SLC25A42: variants seen among roughly 807,000 people sequenced by gnomAD.
SLC25A42 encodes the protein solute carrier family 25 member 42, also known as mitochondrial coenzyme A transporter SLC25A42.
SLC25A42 carries 19 observed loss-of-function variants against 34.7 expected under a neutral mutation model. The ratio of observed to expected loss-of-function variants is 0.55; its 90% CI spans 0.38 to 0.80. The LOEUF is 0.80. Among genes scored for constraint, SLC25A42 ranks in the 30% least tolerant of loss-of-function variants. The pLI is 0.00. For synonymous variants in SLC25A42, 205 were observed against 191.2 expected, an observed-to-expected ratio of 1.07 and a Z score of -0.59; for missense variants, 364 against 441.3, an observed-to-expected ratio of 0.82 and a Z score of 1.57.
Position 19,096,169 on chromosome 19 carries a change from T to A in SLC25A42, c.45T>A (p.Asp15Glu). Reference protein sequence around the residue: ...VKEGPVRLHEDAEAVLSSSVS... With the variant: ...VKEGPVRLHEEAEAVLSSSVS... ...AAGGCCCGGTGCGATTGCATGAGGA[T>A]GCTGAGGCTGTCCTGTCCTCGTCCG... The change falls in exon 2 of 8, where the codon GAT becomes GAA. Residue 15 changes from aspartate (D) to glutamate (E), a missense_variant. Physicochemically the swap from Asp to Glu is conservative, Grantham distance 45. Transcript: ENST00000318596. The A allele has an allele frequency of 6.2e-7, 1 of 1,613,152 alleles. No individual in the cohort carries two copies. Among genetic ancestry groups the A allele is most frequent in the Non-Finnish European group, 8.5e-7 (1 of 1,179,992 alleles).
chr19:19,069,027 T>TA (rs5827428), intron 1 of SLC25A42, among the ~76,000 whole-genome samples: 4,402 of 142,598 alleles, frequency 0.031, 200 homozygotes, highest in African/African-American at 0.11. Context: ...TCTGTCTCTT[T>TA]AAAAAAAAAA....
Position 19,105,729 on chromosome 19 carries a change from T to G in SLC25A42, c.380+2T>G. On this transcript the variant is annotated splice_donor_variant, in intron 5 of 7. Coordinates refer to ENST00000318596, the MANE Select transcript of SLC25A42 (RefSeq NM_178526.5). LOFTEE classifies it high-confidence loss of function. ...CAGCTACTATGGCTTCCGTGGAGAG[T>G]GAGGCCCCGCCCCGCCCTGCCACAG... 1 of 1,549,776 alleles carries G rather than the reference T, an allele frequency of 6.5e-7. No individual in the cohort carries two copies. Among genetic ancestry groups the G allele is most frequent in the Non-Finnish European group, 8.7e-7 (1 of 1,143,286 alleles).
At chr19:19,086,044 C>T (rs2059706715) in intron 1 of SLC25A42, among the ~76,000 whole-genome samples, 1 of 152,240 alleles carries the variant, frequency 6.6e-6, no homozygotes, top group Non-Finnish European at 1.5e-5. Context: ...CAAGAGGAGT[C>T]AGATCACCCG....
chr19:19,065,713 A>G (rs548667723), intron 1 of SLC25A42, among the ~76,000 whole-genome samples: 11 of 152,156 alleles, frequency 7.2e-5, no homozygotes, highest in Middle Eastern at 3.2e-3. Context: ...GTATGTATAT[A>G]TGTATGTATA....
intron 1 of SLC25A42, among the ~76,000 whole-genome samples, chr19:19,090,942 G>A (rs1162510404): frequency 1.3e-5 from 2 of 152,174 alleles, no homozygotes; most frequent in Non-Finnish European, 2.9e-5. Context: ...CCCGGGGTCC[G>A]GGATGTCACA....
At chr19:19,106,934 CAAAAAAAAAAAAAA>C (rs55754833) in intron 6 of SLC25A42, 1 of 43,000 alleles carries the variant, frequency 2.3e-5, no homozygotes, top group Non-Finnish European at 3.9e-5. Flanking sequence ...CTCTGTCTCT[CAAAAAAAAAAAAAA>C]AAAAAAAAAA....
chr19:19,103,566 C>A (rs1055451040), intron 3 of SLC25A42, among the ~76,000 whole-genome samples: 1 of 152,212 alleles, frequency 6.6e-6, no homozygotes, highest in African/African-American at 2.4e-5. Flanking sequence ...AGAAATTAAA[C>A]CCTCAACAGA....
At chr19:19,068,047 G>A (rs1479758566) in intron 1 of SLC25A42, among the ~76,000 whole-genome samples, 5 of 152,074 alleles carry the variant, frequency 3.3e-5, no homozygotes. Flanking sequence ...TTTTAAACAT[G>A]AAATACTTCT....
intron 1 of SLC25A42, among the ~76,000 whole-genome samples, chr19:19,088,209 T>A (rs1298759011): frequency 6.7e-6 from 1 of 149,980 alleles, no homozygotes; most frequent in Non-Finnish European, 1.5e-5. Flanking sequence ...TCAATTTTTT[T>A]TTTTTTTTTT....
Position 19,101,850 on chromosome 19 carries a change from G to A in SLC25A42, c.151G>A (p.Val51Ile). 6.2e-7 allele frequency: 1 copy of A among 1,613,714 alleles called. No individual in the cohort carries two copies. The highest frequency in any genetic ancestry group is 8.5e-7 in the Non-Finnish European group (1 of 1,179,812). ...GGCTGGTGCCCTTGCCAAAACAGCG[G>A]TAGCTCCCCTGGACCGAACCAAAAT... ...ALAGALAKTA[V>I]APLDRTKIIF... Residue 51 changes from valine to isoleucine, a missense_variant, in exon 3 of 8, where the codon GTA (valine) becomes ATA (isoleucine). Val to Ile is a conservative substitution (Grantham distance 29). Coordinates refer to ENST00000318596, the MANE Select transcript of SLC25A42 (RefSeq NM_178526.5).
At chr19:19,091,288 C>A (rs563686690) in intron 1 of SLC25A42, among the ~76,000 whole-genome samples, 1 of 152,060 alleles carries the variant, frequency 6.6e-6, no homozygotes, top group Non-Finnish European at 1.5e-5. Context: ...GAAACCCTGT[C>A]TCTACTAAAA....
At chr19:19,065,851 G>A (rs147425312) in intron 1 of SLC25A42, among the ~76,000 whole-genome samples, 17 of 152,176 alleles carry the variant, frequency 1.1e-4, no homozygotes, top group African/African-American at 2.6e-4. Context: ...AGATCATTGA[G>A]TATATAGTTT....
chr19:19,105,751 A>T, intron 5 of SLC25A42, 24 bp downstream of exon 5: 2 of 1,451,042 alleles, frequency 1.4e-6, no homozygotes, highest in Non-Finnish European at 1.8e-6. Flanking sequence ...CCGCCCTGCC[A>T]CAGAATCGCC....
chr19:19,094,043 A>G (rs1170528646), intron 1 of SLC25A42, among the ~76,000 whole-genome samples: 3 of 152,214 alleles, frequency 2.0e-5, no homozygotes, highest in African/African-American at 7.2e-5. Flanking sequence ...GTCACACTCC[A>G]TCAGAGGCAC....
chr19:19,099,883 A>G (rs186003041), intron 2 of SLC25A42, among the ~76,000 whole-genome samples: 1 of 151,916 alleles, frequency 6.6e-6, no homozygotes, highest in Admixed American at 6.6e-5. Flanking sequence ...ACCCACCACC[A>G]TGCCCGGCTA....
At position 19,111,127 on chromosome 19, in the gene SLC25A42, C is replaced by G. The variant is rs146874628; in HGVS notation, c.*251C>G. On this transcript the variant is annotated 3_prime_UTR_variant, in exon 8 of 8. Coordinates refer to ENST00000318596, the MANE Select transcript of SLC25A42 (RefSeq NM_178526.5). The stretch of plus-strand genomic sequence containing the variant: ...TCCCCTCTTCCTTCCTCTGCAGACG[C>G]TGGCGCTGTCTGCCGGAGGTGTTGC... The G allele has an allele frequency of 1.1e-3, 621 of 550,684 alleles. 2 individuals are homozygous for G. The highest frequency in any genetic ancestry group is 9.6e-3 in the African/African-American group (496 of 51,548). The allele number at this position is 550,684 out of a possible 1,614,324, so 34.1% of individuals were successfully genotyped here.
Position 19,107,916 on chromosome 19 carries a change from T to A in SLC25A42, c.520T>A (p.Phe174Ile). The change falls in exon 7 of 8, where the codon TTC becomes ATC. Residue 174 changes from phenylalanine to isoleucine, a missense_variant. By Grantham distance (21) the Phe-to-Ile change is conservative. Transcript: ENST00000318596. Reference sequence around the variant, plus strand: ...CAGGTACAGCAACATCTTTCATGTCTTCATCCGCATCTCGAGAGAAGAGGG... The same window carrying A: ...CAGGTACAGCAACATCTTTCATGTCATCATCCGCATCTCGAGAGAAGAGGG... ...KEMYSNIFHV[F>I]IRISREEGLK... is the part of the protein sequence containing the mutation. 1 of 1,614,122 alleles carries A rather than the reference T, an allele frequency of 6.2e-7. No individual in the cohort carries two copies. The highest frequency in any genetic ancestry group is 8.5e-7 in the Non-Finnish European group (1 of 1,180,008).
rs11374996 is a variant in SLC25A42, at chr19:19,080,922, T to TAAA, written c.-34-15169_-34-15168insAAA. Among the ~76,000 whole-genome samples the TAAA allele has an allele frequency of 1.0e-4, 13 of 128,422 alleles. 4 individuals are homozygous for TAAA. The highest frequency in any genetic ancestry group is 2.5e-4 in the Admixed American group (3 of 12,094). 84.2% of individuals were successfully genotyped at this position (128,422 alleles called of 152,430 possible). ...GCAACAGAGAGAGACCCTATAAAAT[T>TAAA]TAAAAAAAAAAAAAAAAAAGAGGGA... On this transcript the variant is annotated intron_variant, in intron 1 of 7. Transcript: ENST00000318596.
Position 19,081,731 on chromosome 19 carries a change from G to A in SLC25A42, c.-34-14360G>A, listed in dbSNP as rs371027106. Among the ~76,000 whole-genome samples the A allele has an allele frequency of 6.6e-6, 1 of 152,200 alleles. No homozygotes were observed. The highest frequency in any genetic ancestry group is 6.5e-5 in the Admixed American group (1 of 15,280). ...CCACCTCCCTCCACTGCAGCCTACC[G>A]TCCAGGCCCTACGCTGTCACCCGAG... is the stretch of plus-strand genomic sequence containing the variant. On this transcript the variant is annotated intron_variant, in intron 1 of 7. Coordinates refer to ENST00000318596, the MANE Select transcript of SLC25A42 (RefSeq NM_178526.5). This position sits in a 1 kb window ranked among gnomAD's most constrained non-coding sequence, Gnocchi z 4.5.
Sources: allele counts gnomAD v4.1 joint callset (sites outside exome capture counted in the v4.1 genomes callset), GRCh38; gene constraint gnomAD v4.1.1; non-coding constraint Gnocchi (gnomAD v3.1); transcripts MANE v1.5; gene names NCBI Gene and HGNC (gene_info 2026-07-23, HGNC 2026-07-21).